IMMP2L: variants seen among roughly 807,000 people sequenced by gnomAD.
IMMP2L encodes inner mitochondrial membrane peptidase subunit 2, also known as mitochondrial inner membrane protease subunit 2.
Under a neutral mutation model 19.3 loss-of-function variants are expected in IMMP2L, and 18 were observed. That is an observed-to-expected ratio of 0.93 (90% CI 0.64 to 1.38). The LOEUF is 1.38. Among genes scored for constraint, IMMP2L ranks in the 40% most tolerant of loss-of-function variants. The probability of loss-of-function intolerance (pLI) is 0.00; values close to 1 mark genes in which losing one functional copy is unlikely to be tolerated. For synonymous variants in IMMP2L, 76 were observed against 73.0 expected, an observed-to-expected ratio of 1.04 and a Z score of -0.21; for missense variants, 233 against 218.2, an observed-to-expected ratio of 1.07 and a Z score of -0.43.
intron 4 of IMMP2L, among the ~76,000 whole-genome samples, chr7:110,958,991 C>T (rs529989395): frequency 1.3e-5 from 2 of 152,084 alleles, no homozygotes; most frequent in East Asian, 3.9e-4. Flanking sequence ...TCCCCAGGTA[C>T]CCTTAAGTGC....
intron 4 of IMMP2L, among the ~76,000 whole-genome samples, chr7:110,943,832 C>T (rs997219806): frequency 6.6e-6 from 1 of 151,888 alleles, no homozygotes; most frequent in Non-Finnish European, 1.5e-5. Flanking sequence ...AGGGACAATC[C>T]CTGCAGCACT....
At chr7:111,109,287 G>A (rs543235172) in intron 3 of IMMP2L, among the ~76,000 whole-genome samples, 4 of 151,384 alleles carry the variant, frequency 2.6e-5, no homozygotes, top group Non-Finnish European at 4.4e-5. Flanking sequence ...AGGTTTCCAA[G>A]GTATGACGGA....
chr7:111,035,161 G>A (rs1430664158), intron 3 of IMMP2L, among the ~76,000 whole-genome samples: 1 of 152,098 alleles, frequency 6.6e-6, no homozygotes, highest in Non-Finnish European at 1.5e-5. Flanking sequence ...ACAAAAGTGG[G>A]TAGTTTTATT....
chr7:111,242,363 GTGGAAT>G (rs1158215960), intron 3 of IMMP2L, among the ~76,000 whole-genome samples: 1 of 152,050 alleles, frequency 6.6e-6, no homozygotes, highest in Non-Finnish European at 1.5e-5. Flanking sequence ...CAATTTGTTT[GTGGAAT>G]TGCAGTCATT....
chr7:111,223,975 C>T (rs1812800088), intron 3 of IMMP2L, among the ~76,000 whole-genome samples: 1 of 152,042 alleles, frequency 6.6e-6, no homozygotes, highest in African/African-American at 2.4e-5. Flanking sequence ...TATGGAATGC[C>T]TTTTAAATTG....
intron 3 of IMMP2L, among the ~76,000 whole-genome samples, chr7:111,002,278 C>A (rs1383332512): frequency 1.3e-5 from 2 of 152,034 alleles, no homozygotes; most frequent in Non-Finnish European, 2.9e-5. Flanking sequence ...AGTAAGCCTG[C>A]CTATTACCCA....
At chr7:111,289,032 TG>T (rs1434139224) in intron 3 of IMMP2L, among the ~76,000 whole-genome samples, 1 of 152,092 alleles carries the variant, frequency 6.6e-6, no homozygotes, top group Non-Finnish European at 1.5e-5. Context: ...TGCCCATCAA[TG>T]ATAGACTGGA....
chr7:111,301,065 A>G (rs1266394581), intron 3 of IMMP2L, among the ~76,000 whole-genome samples: 1 of 152,072 alleles, frequency 6.6e-6, no homozygotes, highest in Non-Finnish European at 1.5e-5. Flanking sequence ...CCTATCAGCA[A>G]TATTATGAGT....
At chr7:111,344,377 C>T (rs1827327619) in intron 3 of IMMP2L, among the ~76,000 whole-genome samples, 1 of 152,162 alleles carries the variant, frequency 6.6e-6, no homozygotes, top group African/African-American at 2.4e-5. Context: ...TCCTTTTCTT[C>T]CTTCAGTTTC....
intron 3 of IMMP2L, among the ~76,000 whole-genome samples, chr7:111,260,882 A>G (rs578232948): frequency 4.7e-4 from 72 of 152,276 alleles, no homozygotes; most frequent in South Asian, 3.5e-3. Flanking sequence ...AAATTAAATC[A>G]GTAGATAAAT....
At chr7:110,704,124 G>C (rs985854917) in intron 5 of IMMP2L, among the ~76,000 whole-genome samples, 41 of 151,992 alleles carry the variant, frequency 2.7e-4, no homozygotes, top group African/African-American at 8.7e-4. Context: ...TGGCAAGAGG[G>C]GATTTTTAAG....
intron 3 of IMMP2L, among the ~76,000 whole-genome samples, chr7:111,164,922 T>C (rs547115087): frequency 6.6e-6 from 1 of 152,162 alleles, no homozygotes; most frequent in South Asian, 2.1e-4. Context: ...ACACATAGCA[T>C]AATATTTACT....
chr7:110,751,345 T>A (rs1797706126), intron 5 of IMMP2L, among the ~76,000 whole-genome samples: 1 of 151,978 alleles, frequency 6.6e-6, no homozygotes, highest in Non-Finnish European at 1.5e-5. Context: ...ACATACTTAA[T>A]ATTTGGCTAA....
At chr7:110,814,654 G>A (rs1036998978) in intron 5 of IMMP2L, among the ~76,000 whole-genome samples, 3 of 146,814 alleles carry the variant, frequency 2.0e-5, no homozygotes, top group East Asian at 2.0e-4. Flanking sequence ...TTACTCTATC[G>A]CTCAGAGTAG....
chr7:111,358,600 TA>T (rs1828950559), intron 3 of IMMP2L, among the ~76,000 whole-genome samples: 1 of 152,096 alleles, frequency 6.6e-6, no homozygotes, highest in South Asian at 2.1e-4. Context: ...AACACACATA[TA>T]GTTGCACTGA....
At chr7:111,506,744 G>T (rs1844945475) in intron 2 of IMMP2L, among the ~76,000 whole-genome samples, 2 of 152,128 alleles carry the variant, frequency 1.3e-5, no homozygotes, top group Admixed American at 1.3e-4. Context: ...GTGTCAGGCT[G>T]CTGTGGCACA....
At chr7:111,511,372 G>C (rs552233463) in intron 2 of IMMP2L, among the ~76,000 whole-genome samples, 4 of 152,096 alleles carry the variant, frequency 2.6e-5, no homozygotes, top group Admixed American at 2.0e-4. Context: ...GCCTGAAGAC[G>C]TGGTGGCCAA....
intron 3 of IMMP2L, among the ~76,000 whole-genome samples, chr7:111,007,106 C>T (rs1364699957): frequency 1.3e-5 from 2 of 152,046 alleles, no homozygotes; most frequent in Admixed American, 6.6e-5. Flanking sequence ...CTGGGGAGGC[C>T]TCAGGAAGCT....
chr7:111,027,108 CT>C (rs1826913800), intron 3 of IMMP2L, among the ~76,000 whole-genome samples: 1 of 152,144 alleles, frequency 6.6e-6, no homozygotes, highest in Admixed American at 6.5e-5. Context: ...AGATTAACCA[CT>C]CTGTTTATTG....
Sources: gnomAD v4.1 joint callset for allele counts (sites outside exome capture counted in the v4.1 genomes callset) on GRCh38, gnomAD v4.1.1 for gene constraint, MANE v1.5 for transcripts, NCBI Gene and HGNC (gene_info 2026-07-23, HGNC 2026-07-21) for gene names.